Variants in SRPK2 observed in about 807,000 individuals in gnomAD.
SRPK2 encodes the protein SFRS protein kinase 2.
Under a neutral mutation model 90.8 loss-of-function variants are expected in SRPK2, and 21 were observed. The observed-to-expected ratio is 0.23, with a 90% CI of 0.16 to 0.33. SRPK2 has a LOEUF of 0.33. SRPK2 is among the 10% of genes least tolerant of loss of function. SRPK2 has a pLI of 1.00. For synonymous variants in SRPK2, 288 were observed against 311.1 expected (o/e 0.93, Z 0.78); for missense variants, 620 against 869.0 (o/e 0.71, Z 3.60).
At chr7:105,368,151 A>G (rs1271957888) in intron 2 of SRPK2, among the ~76,000 whole-genome samples, 1 of 152,238 alleles carries the variant, frequency 6.6e-6, no homozygotes, top group Non-Finnish European at 1.5e-5. Context: ...ACTATAAAGA[A>G]TATTTAAAGA....
chr7:105,145,270 C>T lies in SRPK2; in HGVS notation c.813+13G>A, dbSNP rs368217126. ...AACATGGTGCATATAAAGTAATATG[C>T]GTAAGTACTTACAGGTTTCTGCTGT... On this transcript the variant is annotated intron_variant, in intron 9 of 15. Coordinates refer to ENST00000393651, the MANE Select transcript of SRPK2 (RefSeq NM_182692.3). 7.6e-6 allele frequency: 12 copies of T among 1,584,066 alleles called. No homozygotes were observed. Among genetic ancestry groups the T allele is most frequent in the Admixed American group, 1.8e-5 (1 of 56,110 alleles).
chr7:105,160,478 G>A (rs770663343), intron 7 of SRPK2, 29 bp downstream of exon 7: 1 of 1,369,596 alleles, frequency 7.3e-7, no homozygotes, highest in South Asian at 1.2e-5. Context: ...TAGGTACTAG[G>A]GCCTAGGGGC....
intron 2 of SRPK2, among the ~76,000 whole-genome samples, chr7:105,329,838 T>C (rs1814069884): frequency 6.6e-6 from 1 of 151,644 alleles, no homozygotes; most frequent in African/African-American, 2.4e-5. Flanking sequence ...GAGACCAGCC[T>C]GGCCAACATG....
chr7:105,226,647 GA>G (rs1303005229), intron 2 of SRPK2, among the ~76,000 whole-genome samples: 1 of 152,048 alleles, frequency 6.6e-6, no homozygotes, highest in Non-Finnish European at 1.5e-5. Context: ...CCCTTTAAAA[GA>G]AGGCCTTTTT....
intron 2 of SRPK2, among the ~76,000 whole-genome samples, chr7:105,300,596 A>C (rs1447360647): frequency 2.6e-5 from 4 of 152,206 alleles, no homozygotes. Context: ...AATGGGAGAA[A>C]ATTTTTGCAA....
At chr7:105,285,585 T>C (rs889293104) in intron 2 of SRPK2, among the ~76,000 whole-genome samples, 1 of 152,112 alleles carries the variant, frequency 6.6e-6, no homozygotes, top group African/African-American at 2.4e-5. Flanking sequence ...TGGGAGGTGT[T>C]TGGATCACGG....
chr7:105,197,179 A>T (rs1381758886), intron 3 of SRPK2, among the ~76,000 whole-genome samples: 1 of 152,196 alleles, frequency 6.6e-6, no homozygotes, highest in Non-Finnish European at 1.5e-5. Flanking sequence ...AGTTATTAAA[A>T]TTCAACCAGT....
intron 2 of SRPK2, among the ~76,000 whole-genome samples, chr7:105,234,108 T>C (rs1230402997): frequency 6.6e-6 from 1 of 152,142 alleles, no homozygotes; most frequent in Non-Finnish European, 1.5e-5. Flanking sequence ...TTTAAACAGA[T>C]TCACATTAAG....
At chr7:105,331,337 A>AAAAAAAAAAAAAAAAAAAAAAAAAAAAAC (rs1554512429) in intron 2 of SRPK2, among the ~76,000 whole-genome samples, 3 of 141,830 alleles carry the variant, frequency 2.1e-5, no homozygotes, top group Non-Finnish European at 4.6e-5. Flanking sequence ...AAAAAAAAAA[A>AAAAAAAAAAAAAAAAAAAAAAAAAAAAAC]CAAATAGTTA....
intron 2 of SRPK2, among the ~76,000 whole-genome samples, chr7:105,333,197 A>T (rs1814652403): frequency 6.6e-6 from 1 of 152,206 alleles, no homozygotes; most frequent in South Asian, 2.1e-4. Flanking sequence ...CCATCAAACA[A>T]ACAAACAAAT....
intron 7 of SRPK2, among the ~76,000 whole-genome samples, chr7:105,152,023 CAAAA>C (rs34579509): frequency 9.2e-6 from 1 of 108,296 alleles, no homozygotes. Flanking sequence ...GGTTCTGTCT[CAAAA>C]AAAAAAAAAA....
chr7:105,364,419 GAGA>G (rs1402262840), intron 2 of SRPK2, among the ~76,000 whole-genome samples: 1 of 88,910 alleles, frequency 1.1e-5, no homozygotes, highest in Non-Finnish European at 2.2e-5. Context: ...TTTTTTTTTT[GAGA>G]AGGAGTCTCG....
intron 2 of SRPK2, among the ~76,000 whole-genome samples, chr7:105,329,853 A>T (rs1407212775): frequency 6.6e-6 from 1 of 151,798 alleles, no homozygotes; most frequent in Non-Finnish European, 1.5e-5. Context: ...AACATGGTGA[A>T]ACCCCGTCTC....
intron 7 of SRPK2, among the ~76,000 whole-genome samples, chr7:105,157,755 A>C (rs1257076929): frequency 6.6e-6 from 1 of 152,174 alleles, no homozygotes; most frequent in Non-Finnish European, 1.5e-5. Context: ...TCCACCAAAA[A>C]CAGGGTACAT....
intron 2 of SRPK2, among the ~76,000 whole-genome samples, chr7:105,290,425 G>A (rs1808816442): frequency 6.6e-6 from 1 of 152,142 alleles, no homozygotes; most frequent in Non-Finnish European, 1.5e-5. Flanking sequence ...TTGAGCCCAG[G>A]AGGCGGAGTT....
intron 2 of SRPK2, among the ~76,000 whole-genome samples, chr7:105,348,088 TTTTTTG>T: frequency 6.9e-6 from 1 of 145,532 alleles, no homozygotes; most frequent in African/African-American, 2.5e-5. Flanking sequence ...TTTTTTTTTT[TTTTTTG>T]AGATGGAGTT....
intron 2 of SRPK2, chr7:105,245,030 A>ACACACACACAC (rs760527264): frequency 2.0e-6 from 1 of 488,918 alleles, no homozygotes; most frequent in Admixed American, 3.1e-5. Flanking sequence ...AACAAAACAA[A>ACACACACACAC]ACAAACACAC....
intron 15 of SRPK2, 28 bp from the exon 16 acceptor site, chr7:105,118,050 A>G: frequency 1.9e-6 from 3 of 1,606,458 alleles, no homozygotes; most frequent in Non-Finnish European, 2.6e-6. Context: ...GGCCAATGTC[A>G]AGAAAGCTCC....
At chr7:105,197,323 C>T (rs1333106003) in intron 3 of SRPK2, among the ~76,000 whole-genome samples, 1 of 152,054 alleles carries the variant, frequency 6.6e-6, no homozygotes, top group African/African-American at 2.4e-5. Context: ...AATAATGTCC[C>T]TAAGTTTTTA....
Sources: allele counts gnomAD v4.1 joint callset (sites outside exome capture counted in the v4.1 genomes callset), GRCh38; gene constraint gnomAD v4.1.1; transcripts MANE v1.5; gene names NCBI Gene and HGNC (gene_info 2026-07-23, HGNC 2026-07-21).